Variants in PTPN13 observed in about 807,000 individuals in gnomAD.
PTPN13 encodes the protein tyrosine-protein phosphatase non-receptor type 13.
PTPN13 carries 191 observed loss-of-function variants against 284.0 expected under a neutral mutation model. The observed-to-expected ratio is 0.67, with a 90% CI of 0.60 to 0.76. The LOEUF (loss-of-function observed/expected upper bound fraction) is 0.76, where lower values mean the gene tolerates loss of function less well. PTPN13 is among the 30% of genes least tolerant of loss of function. The probability of loss-of-function intolerance (pLI) is 0.00; values close to 1 mark genes in which losing one functional copy is unlikely to be tolerated. For missense variants in PTPN13, 2,797 were observed against 2,939.9 expected (o/e 0.95, Z 1.12); for synonymous variants, 986 against 1,022.3 (o/e 0.96, Z 0.68).
rs1003499789 is a variant in PTPN13, at chr4:86,647,301, G to T, written c.115+11930G>T. Among the ~76,000 whole-genome samples, 5 of 151,990 alleles carry T rather than the reference G, an allele frequency of 3.3e-5. No homozygotes were observed. In the East Asian group the frequency reaches 9.6e-4, roughly 29 times the overall value. On this transcript the variant is annotated intron_variant, in intron 2 of 47. Transcript: ENST00000411767. ...TTTTTTCAAAAACTGTTTAAATTTA[G>T]AGCTTGATATTTTTTCTTACTAATT...
At chr4:86,765,728 A>C (rs997238010) in intron 26 of PTPN13, among the ~76,000 whole-genome samples, 1 of 152,206 alleles carries the variant, frequency 6.6e-6, no homozygotes, top group Admixed American at 6.5e-5. Flanking sequence ...AAAAAATTAA[A>C]AAGGAAAGAA....
intron 5 of PTPN13, among the ~76,000 whole-genome samples, chr4:86,691,000 C>T (rs1729965850): frequency 6.6e-6 from 1 of 151,880 alleles, no homozygotes. Flanking sequence ...TAAAATGATA[C>T]ATAGTAAAAA....
At chr4:86,769,721 C>A in intron 28 of PTPN13, 48 bp from the exon 29 acceptor site, 1 of 1,230,620 alleles carries the variant, frequency 8.1e-7, no homozygotes, top group South Asian at 1.5e-5. Flanking sequence ...CCTATGTAAA[C>A]ACAGCATGTT....
At chr4:86,652,929 T>G (rs529559252) in intron 2 of PTPN13, among the ~76,000 whole-genome samples, 1 of 152,150 alleles carries the variant, frequency 6.6e-6, no homozygotes, top group South Asian at 2.1e-4. Flanking sequence ...TGCTTTATTC[T>G]TTTTTATTCT....
chr4:86,689,699 C>A (rs189889533), intron 5 of PTPN13: 1 of 702,478 alleles, frequency 1.4e-6, no homozygotes, highest in South Asian at 1.5e-5. Flanking sequence ...ATGCTTGTAT[C>A]CCTGCCAGAT....
At position 86,798,793 on chromosome 4, in the gene PTPN13, A is replaced by C. The variant is rs77031008; in HGVS notation, c.6402-308A>C. Reference sequence around the variant, plus strand: ...GAAGGAGAAAGAGCTATATGCCGGTACAATTGTAATCACTCATCCATGTTG... The same window carrying C: ...GAAGGAGAAAGAGCTATATGCCGGTCCAATTGTAATCACTCATCCATGTTG... On this transcript the variant is annotated intron_variant, in intron 41 of 47. Coordinates refer to ENST00000411767, the MANE Select transcript of PTPN13 (RefSeq NM_080683.3). 4.7e-3 allele frequency among the ~76,000 whole-genome samples: 715 copies of C among 152,354 alleles called. 11 individuals are homozygous for C. Among genetic ancestry groups the C allele is most frequent in the African/African-American group, 0.017 (688 of 41,578 alleles).
chr4:86,810,412 A>T (rs1745101374), intron 46 of PTPN13, among the ~76,000 whole-genome samples: 1 of 152,046 alleles, frequency 6.6e-6, no homozygotes, highest in African/African-American at 2.4e-5. Context: ...ATATTTTATT[A>T]TAAAATTAAT....
At chr4:86,740,441 C>T (rs1233661464) in intron 15 of PTPN13, among the ~76,000 whole-genome samples, 2 of 152,176 alleles carry the variant, frequency 1.3e-5, no homozygotes, top group African/African-American at 2.4e-5. Flanking sequence ...TGTACCTTGG[C>T]CCCTTTTAGT....
intron 1 of PTPN13, among the ~76,000 whole-genome samples, chr4:86,623,210 A>G (rs953572143): frequency 6.6e-6 from 1 of 152,138 alleles, no homozygotes; most frequent in African/African-American, 2.4e-5. Context: ...ACAGGCAGGT[A>G]TGCAGTTCTG....
Position 86,669,100 on chromosome 4 carries a change from A to G in PTPN13, c.116-3265A>G, listed in dbSNP as rs574358433. Among the ~76,000 whole-genome samples, 25 of 151,668 alleles carry G rather than the reference A, an allele frequency of 1.6e-4. No homozygotes were observed. The South Asian group carries it at 5.0e-3, about 30-fold the overall frequency. ...CCTTAGCCATGGTCAAGTCTTACCT[A>G]TTAAAGGGCCACATATAAAATAAGA... On this transcript the variant is annotated intron_variant, in intron 2 of 47. Coordinates refer to ENST00000411767, the MANE Select transcript of PTPN13 (RefSeq NM_080683.3).
Position 86,776,247 on chromosome 4 carries a change from G to A in PTPN13, c.5891+595G>A, listed in dbSNP as rs183032801. Among the ~76,000 whole-genome samples the A allele has an allele frequency of 6.7e-3, 1,014 of 152,276 alleles. 5 individuals carry two copies. The highest frequency in any genetic ancestry group is 0.011 in the Non-Finnish European group (733 of 67,988). On this transcript the variant is annotated intron_variant, in intron 35 of 47. Transcript: ENST00000411767. The stretch of plus-strand genomic sequence containing the variant: ...AGGCGTGAGCCACCCTACCTGGCCC[G>A]AAATTTATTGGTTTATATTGGACTT...
rs144159848 is a variant in PTPN13 at position 86,737,607 on chromosome 4, C to G, written c.2304+1861C>G. Reference sequence around the variant, plus strand: ...GTCTCTTTATAGTCAGTCCCCTCCCCCTACCTGTAATCCTTAGCAACTACT... The same window carrying G: ...GTCTCTTTATAGTCAGTCCCCTCCCGCTACCTGTAATCCTTAGCAACTACT... On this transcript the variant is annotated intron_variant, in intron 15 of 47. Coordinates refer to ENST00000411767, the MANE Select transcript of PTPN13 (RefSeq NM_080683.3). Among the ~76,000 whole-genome samples the G allele has an allele frequency of 3.1e-3, 477 of 151,984 alleles. 2 individuals are homozygous for G. The highest frequency in any genetic ancestry group is 5.8e-3 in the Non-Finnish European group (392 of 67,962).
chr4:86,637,524 T>G (rs1226130794), intron 2 of PTPN13, among the ~76,000 whole-genome samples: 3 of 151,796 alleles, frequency 2.0e-5, no homozygotes, highest in African/African-American at 7.3e-5. Context: ...GCTGGTTCAA[T>G]ATACGCAAAT....
chr4:86,701,101 C>G (rs968398313), intron 6 of PTPN13, 140 bp from the exon 7 acceptor site: 1 of 608,552 alleles, frequency 1.6e-6, no homozygotes, highest in Non-Finnish European at 2.8e-6. Context: ...CTATGACCAT[C>G]ATCACCATCC....
chr4:86,708,566 T>TAG, intron 7 of PTPN13, among the ~76,000 whole-genome samples: 1 of 152,150 alleles, frequency 6.6e-6, no homozygotes, highest in Non-Finnish European at 1.5e-5. Context: ...ATGGTTCACA[T>TAG]AGACCCAGTT....
At chr4:86,789,358 G>A (rs1742351120) in intron 40 of PTPN13, among the ~76,000 whole-genome samples, 1 of 152,120 alleles carries the variant, frequency 6.6e-6, no homozygotes, top group South Asian at 2.1e-4. Context: ...ATCACCTGAG[G>A]ATAATCCTGC....
At chr4:86,810,013 A>G in intron 46 of PTPN13, 29 bp downstream of exon 46, 1 of 1,570,448 alleles carries the variant, frequency 6.4e-7, no homozygotes, top group Non-Finnish European at 8.7e-7. Context: ...CTGAGTAAGC[A>G]TTTGTTCAGA....
At chr4:86,649,087 CTTAAG>C (rs1317143122) in intron 2 of PTPN13, among the ~76,000 whole-genome samples, 8 of 151,914 alleles carry the variant, frequency 5.3e-5, no homozygotes, top group South Asian at 2.1e-4. Context: ...TTTTTTTCCT[CTTAAG>C]TTGTTTGTGT....
chr4:86,681,244 A>AT (rs1370671915), intron 3 of PTPN13, among the ~76,000 whole-genome samples: 3 of 152,074 alleles, frequency 2.0e-5, no homozygotes, highest in Non-Finnish European at 4.4e-5. Context: ...TTTTTAATAC[A>AT]TAGGTGCATA....
Sources: gnomAD v4.1 joint callset for allele counts (sites outside exome capture counted in the v4.1 genomes callset) on GRCh38, gnomAD v4.1.1 for gene constraint, MANE v1.5 for transcripts, NCBI Gene and HGNC (gene_info 2026-07-23, HGNC 2026-07-21) for gene names.